The following ZNF385D variants were observed in gnomAD, a reference collection of about 807,000 sequenced individuals.
ZNF385D encodes the protein zinc finger protein 385D.
In ZNF385D, 15 loss-of-function variants were observed where a neutral mutation model predicts 35.8. The observed-to-expected ratio is 0.42, with a 90% CI of 0.28 to 0.64. The LOEUF (loss-of-function observed/expected upper bound fraction) is 0.64. ZNF385D is among the 30% of genes least tolerant of loss of function. ZNF385D has a pLI of 0.23. For synonymous variants in ZNF385D, 212 were observed against 186.8 expected (o/e 1.13, Z -1.10); for missense variants, 474 against 494.6 (o/e 0.96, Z 0.39).
chr3:21,476,922 C>T (rs1183567184), intron 4 of ZNF385D, among the ~76,000 whole-genome samples: 1 of 152,106 alleles, frequency 6.6e-6, no homozygotes, highest in East Asian at 1.9e-4. Context: ...GTGTTTTCAT[C>T]ACTGGAGGAG....
chr3:21,784,163 A>G (rs1262761883), intron 3 of ZNF385D, among the ~76,000 whole-genome samples: 1 of 152,194 alleles, frequency 6.6e-6, no homozygotes, highest in Non-Finnish European at 1.5e-5. Flanking sequence ...TGCCAAGAAT[A>G]AAACTTTAAA....
chr3:21,516,615 A>G (rs755914343), intron 3 of ZNF385D, among the ~76,000 whole-genome samples: 4 of 152,076 alleles, frequency 2.6e-5, no homozygotes, highest in Non-Finnish European at 4.4e-5. Context: ...GCCTTTCTTT[A>G]TATACTTTTT....
intron 1 of ZNF385D, among the ~76,000 whole-genome samples, chr3:21,734,833 T>C (rs958880507): frequency 2.0e-5 from 3 of 152,116 alleles, no homozygotes; most frequent in African/African-American, 7.2e-5. Context: ...CAAGTTTTGT[T>C]TGAGGTGGAA....
intron 3 of ZNF385D, among the ~76,000 whole-genome samples, chr3:21,822,880 T>C (rs1442733070): frequency 6.6e-6 from 1 of 151,938 alleles, no homozygotes; most frequent in African/African-American, 2.4e-5. Flanking sequence ...AAGCAAGTAA[T>C]ACTGCATAAA....
At chr3:21,428,706 C>A (rs963534964) in intron 5 of ZNF385D, among the ~76,000 whole-genome samples, 2 of 151,948 alleles carry the variant, frequency 1.3e-5, no homozygotes, top group African/African-American at 4.8e-5. Context: ...CAAGGCTGTC[C>A]CTTCTTTTGT....
chr3:21,502,920 G>A (rs1559353908), intron 4 of ZNF385D, among the ~76,000 whole-genome samples: 2 of 152,158 alleles, frequency 1.3e-5, no homozygotes, highest in Non-Finnish European at 2.9e-5. Context: ...TATGCAGTGG[G>A]TCTTTTATCA....
intron 1 of ZNF385D, among the ~76,000 whole-genome samples, chr3:21,717,323 T>A (rs1024150929): frequency 6.6e-6 from 1 of 152,206 alleles, no homozygotes; most frequent in African/African-American, 2.4e-5. Context: ...AGAAAAGGTA[T>A]GCACAGGAGG....
intron 2 of ZNF385D, among the ~76,000 whole-genome samples, chr3:21,592,106 A>T (rs902968006): frequency 3.3e-5 from 5 of 152,180 alleles, no homozygotes; most frequent in Non-Finnish European, 7.3e-5. Context: ...ATTAAGTGAG[A>T]TTATATTTGC....
intron 3 of ZNF385D, among the ~76,000 whole-genome samples, chr3:21,938,276 G>C (rs1440109696): frequency 2.3e-4 from 35 of 152,186 alleles, no homozygotes; most frequent in Admixed American, 2.3e-3. Context: ...GAACGTTTTT[G>C]TGACTGACAC....
intron 3 of ZNF385D, among the ~76,000 whole-genome samples, chr3:21,940,278 G>A (rs478011): frequency 0.19 from 28,969 of 151,960 alleles, 3,485 homozygotes; most frequent in East Asian, 0.4. Context: ...TGGATTTTAA[G>A]GGCAAGCAGA....
intron 3 of ZNF385D, among the ~76,000 whole-genome samples, chr3:21,793,467 T>G (rs1355362032): frequency 6.6e-6 from 1 of 152,262 alleles, no homozygotes; most frequent in East Asian, 1.9e-4. Context: ...GGGACTGAAC[T>G]AGACCTAGTG....
intron 3 of ZNF385D, among the ~76,000 whole-genome samples, chr3:21,969,284 T>C (rs542652): frequency 0.14 from 20,724 of 152,014 alleles, 3,398 homozygotes; most frequent in African/African-American, 0.4. Flanking sequence ...TCCCCACGTG[T>C]TAAGGGAAAG....
At position 21,425,511 on chromosome 3, in the gene ZNF385D, G is replaced by T; in HGVS notation, c.833C>A (p.Ser278Ter). 2 of 1,600,720 alleles carry T rather than the reference G, an allele frequency of 1.2e-6. No individual in the cohort carries two copies. Among genetic ancestry groups the T allele is most frequent in the Non-Finnish European group, 1.7e-6 (2 of 1,173,012 alleles). The change falls in exon 6 of 8, where the codon TCG (serine) becomes TAG (stop). Residue 278 changes from serine (S) to a stop codon, truncating the protein, a stop_gained. Coordinates refer to ENST00000281523, the MANE Select transcript of ZNF385D (RefSeq NM_024697.3). LOFTEE classifies it high-confidence loss of function. ...GTTTACCTGTTTAAGTTGCGTTTCCGAGTTGACGTGCACATCACAGATTTC... is the reference window on the plus strand; with the variant it reads ...GTTTACCTGTTTAAGTTGCGTTTCCTAGTTGACGTGCACATCACAGATTTC... ...HCEICDVHVN[S>*]ETQLKQHISS...
intron 2 of ZNF385D, among the ~76,000 whole-genome samples, chr3:21,628,163 C>T (rs899886677): frequency 2.0e-5 from 3 of 152,024 alleles, no homozygotes; most frequent in African/African-American, 4.8e-5. Context: ...GGTGGTGACA[C>T]ATATAGGAAA....
In ZNF385D at chr3:22,132,660, A is replaced by G. The variant is rs541613139; in HGVS notation, c.325+36157T>C. ...AGATGAACTGTAGAAACGTTACTTA[A>G]TAGTAATAACAATTAATGGTCTTTA... is the stretch of plus-strand genomic sequence containing the variant. On this transcript the variant is annotated intron_variant, in intron 3 of 5. Coordinates refer to the ZNF385D transcript ENST00000494108. 2.1e-3 allele frequency among the ~76,000 whole-genome samples: 315 copies of G among 152,210 alleles called. 2 individuals carry two copies. Among genetic ancestry groups the G allele is most frequent in the Middle Eastern group, 3.4e-3 (1 of 294 alleles).
chr3:21,635,332 C>T (rs1422863476), intron 2 of ZNF385D, among the ~76,000 whole-genome samples: 1 of 152,154 alleles, frequency 6.6e-6, no homozygotes, highest in Middle Eastern at 3.4e-3. Context: ...CACTACATGC[C>T]TGGTCCGTTC....
chr3:21,642,343 CTT>C (rs2065632686), intron 2 of ZNF385D, among the ~76,000 whole-genome samples: 1 of 152,052 alleles, frequency 6.6e-6, no homozygotes, highest in Admixed American at 6.6e-5. Flanking sequence ...TAACCTCACT[CTT>C]TGTGTGTCCA....
At chr3:21,956,917 T>C (rs13089036) in intron 3 of ZNF385D, among the ~76,000 whole-genome samples, 20,943 of 151,862 alleles carry the variant, frequency 0.14, 1,627 homozygotes, top group Middle Eastern at 0.23. Flanking sequence ...GGTGATATAG[T>C]TTGGCTGTGT....
chr3:21,519,380 T>C (rs1174343262), intron 3 of ZNF385D, among the ~76,000 whole-genome samples: 3 of 152,214 alleles, frequency 2.0e-5, no homozygotes, highest in Non-Finnish European at 4.4e-5. Flanking sequence ...AACTTCACCA[T>C]TCCTTAACAT....
Sources: allele counts gnomAD v4.1 joint callset (sites outside exome capture counted in the v4.1 genomes callset), GRCh38; gene constraint gnomAD v4.1.1; transcripts MANE v1.5; gene names NCBI Gene and HGNC (gene_info 2026-07-23, HGNC 2026-07-21).